The following GALNS variants were observed in gnomAD, a reference collection of about 807,000 sequenced individuals.
GALNS encodes the protein N-acetylgalactosamine-6-sulfatase.
A neutral mutation model predicts 65.9 loss-of-function variants in GALNS; 65 were observed. The observed-to-expected ratio is 0.99, with a 90% CI of 0.81 to 1.21. The LOEUF (loss-of-function observed/expected upper bound fraction) is 1.21. GALNS is among the 50% of genes most tolerant of loss of function. The probability of loss-of-function intolerance (pLI) is 0.00; values close to 1 mark genes in which losing one functional copy is unlikely to be tolerated. For synonymous variants in GALNS, 346 were observed against 288.9 expected (o/e 1.20, Z -2.00); for missense variants, 776 against 700.7 (o/e 1.11, Z -1.21).
chr16:88,837,711 C>T lies in GALNS; in HGVS notation c.477G>A (p.Trp159Ter), dbSNP rs398123439. The T allele has an allele frequency of 1.5e-5, 25 of 1,613,912 alleles. No individual in the cohort carries two copies. Among genetic ancestry groups the T allele is most frequent in the Admixed American group, 3.3e-5 (2 of 60,006 alleles). The change falls in exon 5 of 14, where the codon TGG becomes TGA. Residue 159 changes from tryptophan (W) to a stop codon, truncating the protein, a stop_gained. Transcript: ENST00000268695. LOFTEE classifies it high-confidence loss of function. Reference protein sequence around the residue: ...FHPLKHGFDEWFGSPNCHFGP... With the variant: ...FHPLKHGFDE ...CAAAGTGGCAGTTGGGGGATCCAAACCACTCATCAAATCCGTGCTTCAGGG... is the reference window on the plus strand; with the variant it reads ...CAAAGTGGCAGTTGGGGGATCCAAATCACTCATCAAATCCGTGCTTCAGGG...
intron 7 of GALNS, 144 bp downstream of exon 7, chr16:88,835,581 G>A: frequency 7.4e-7 from 1 of 1,355,252 alleles, no homozygotes; most frequent in East Asian, 2.3e-5. Flanking sequence ...CTGATCCCAG[G>A]CCAGTGGACG....
intron 1 of GALNS, chr16:88,855,759 G>A (rs1160631543): frequency 2.7e-5 from 15 of 546,690 alleles, no homozygotes; most frequent in South Asian, 1.5e-4. Context: ...CGACAGCCAC[G>A]ACTGCCCAGC....
chr16:88,832,837 G>C (rs1333139632), intron 8 of GALNS, among the ~76,000 whole-genome samples: 2 of 152,116 alleles, frequency 1.3e-5, no homozygotes, highest in African/African-American at 4.8e-5. Context: ...GAAGCAGGGG[G>C]ACTGCTTGAA....
rs1477635354 is a variant in GALNS at position 88,856,893 on chromosome 16, C to T, written c.-16G>A. 1.3e-6 allele frequency: 2 copies of T among 1,502,136 alleles called. No homozygotes were observed. Among genetic ancestry groups the T allele is most frequent in the Non-Finnish European group, 1.8e-6 (2 of 1,134,064 alleles). 93.1% of individuals were successfully genotyped at this position (1,502,136 alleles called of 1,614,324 possible). On this transcript the variant is annotated 5_prime_UTR_variant, in exon 1 of 14. Coordinates refer to ENST00000268695, the MANE Select transcript of GALNS (RefSeq NM_000512.5). ...CCGCCGCCATGGCAACCACGGGAGC[C>T]GCGGAGCCCCGGCCAGCGAGCCGAC... is the stretch of plus-strand genomic sequence containing the variant.
intron 13 of GALNS, chr16:88,817,085 C>T (rs1909707598): frequency 3.0e-6 from 3 of 985,454 alleles, no homozygotes; most frequent in Non-Finnish European, 1.2e-6. Flanking sequence ...GAAGACCTGC[C>T]CTGCTGGGAC....
In GALNS at chr16:88,826,843, AAC is replaced by A; in HGVS notation, c.1003-7_1003-6del. The stretch of plus-strand genomic sequence containing the variant: ...GCTGCCCAGCTGGTGGCTCACCTGA[AAC>A]ACATGGCAGCAACACGGTCAGGGCA... On this transcript the variant is annotated splice_region_variant and splice_polypyrimidine_tract_variant and intron_variant, in intron 9 of 13. Transcript: ENST00000268695. 3 of 1,571,962 alleles carry A rather than the reference AAC, an allele frequency of 1.9e-6. No individual in the cohort carries two copies. Among genetic ancestry groups the A allele is most frequent in the Non-Finnish European group, 2.6e-6 (3 of 1,159,374 alleles).
rs781558921 is a variant in GALNS, at chr16:88,843,040, C to A, written c.121-211G>T. 24 of 1,525,874 alleles carry A rather than the reference C, an allele frequency of 1.6e-5. No homozygotes were observed. In the African/African-American group the frequency reaches 1.6e-4, roughly 10 times the overall value. The allele number at this position is 1,525,874 out of a possible 1,614,324, so 94.5% of individuals were successfully genotyped here. A position where few individuals can be genotyped will look rare whatever the true frequency, so the allele number is the denominator to read the frequency against. On this transcript the variant is annotated intron_variant, in intron 1 of 13. Coordinates refer to ENST00000268695, the MANE Select transcript of GALNS (RefSeq NM_000512.5). ...CACGCCAGCCCAAACCTCAGCATCG[C>A]CTGCGTGCGTGCACGATGGGGCCGC...
intron 1 of GALNS, among the ~76,000 whole-genome samples, chr16:88,846,964 CG>C: frequency 6.6e-6 from 1 of 152,192 alleles, no homozygotes; most frequent in Admixed American, 6.5e-5. Flanking sequence ...CAGACATTCA[CG>C]ACACCTGGTT....
intron 1 of GALNS, among the ~76,000 whole-genome samples, chr16:88,845,859 G>A (rs920499686): frequency 6.6e-6 from 1 of 151,024 alleles, no homozygotes; most frequent in Admixed American, 6.6e-5. Context: ...GTGGTGGTGT[G>A]TACCTGTGGT....
rs114175409 is a variant in GALNS at position 88,825,691 on chromosome 16, G to A, written c.1140-822C>T. 4.5e-3 allele frequency among the ~76,000 whole-genome samples: 685 copies of A among 152,182 alleles called. 4 individuals carry two copies. The highest frequency in any genetic ancestry group is 0.02 in the Middle Eastern group (6 of 294). ...GGCTGGGCCAGACCCTGGGGAGGGT[G>A]GGCAGACAAGAGGATAAGCAGGCGG... On this transcript the variant is annotated intron_variant, in intron 10 of 13. Coordinates refer to ENST00000268695, the MANE Select transcript of GALNS (RefSeq NM_000512.5).
chr16:88,853,429 GTC>G (rs1967601987), intron 1 of GALNS, among the ~76,000 whole-genome samples: 1 of 152,256 alleles, frequency 6.6e-6, no homozygotes, highest in East Asian at 1.9e-4. Flanking sequence ...GCCAGTGCTT[GTC>G]TGTTTCAAAC....
At chr16:88,815,593 T>C (rs1253748777) in intron 13 of GALNS, 3 of 985,272 alleles carry the variant, frequency 3.0e-6, no homozygotes, top group South Asian at 4.7e-5. Flanking sequence ...CTGAAATGAG[T>C]GCAGTTTGGT....
Position 88,826,772 on chromosome 16 carries a change from G to A in GALNS, c.1069C>T (p.Pro357Ser). The change falls in exon 10 of 14, where the codon CCG becomes TCG. Residue 357 changes from proline (P) to serine (S), a missense_variant. By Grantham distance (74) the Pro-to-Ser change is moderately conservative. Transcript: ENST00000268695. ...TTSLALAGLT[P>S]PSDRAIDGLN... is the part of the protein sequence containing the mutation. ...CCATCAATGGCCCTGTCGCTGGGCG[G>A]CGTCAGGCCCGCAAGGGCCAGGCTG... The A allele has an allele frequency of 6.2e-7, 1 of 1,608,604 alleles. No individual in the cohort carries two copies. The highest frequency in any genetic ancestry group is 8.5e-7 in the Non-Finnish European group (1 of 1,178,074).
chr16:88,815,424 A>G, intron 13 of GALNS: 2 of 985,468 alleles, frequency 2.0e-6, no homozygotes. Context: ...TGCTGGGCTC[A>G]GTTCAGTGCG....
chr16:88,851,006 A>AC (rs1362204118), intron 1 of GALNS, among the ~76,000 whole-genome samples: 2 of 152,348 alleles, frequency 1.3e-5, no homozygotes, highest in Admixed American at 1.3e-4. Context: ...AGCCGAGGGC[A>AC]ACGTCCCACA....
In GALNS at chr16:88,815,562, C is replaced by T. The variant is rs114912561; in HGVS notation, c.1483-1037G>A. ...TGGCAACAGAAAGGGAGACTTATGC[C>T]GCTAAGAGGAGCCTTCTTGGCTGAA... On this transcript the variant is annotated intron_variant, in intron 13 of 13. Transcript: ENST00000268695. 2,510 of 985,460 alleles carry T rather than the reference C, an allele frequency of 2.5e-3. 35 individuals are homozygous for T. In the African/African-American group the frequency reaches 0.039, roughly 15 times the overall value. The allele number at this position is 985,460 out of a possible 1,614,324, so 61.0% of individuals were successfully genotyped here. A position where few individuals can be genotyped will look rare whatever the true frequency, so the allele number is the denominator to read the frequency against.
At position 88,813,990 on chromosome 16, in the gene GALNS, A is replaced by G. The variant is rs1048562829; in HGVS notation, c.*449T>C. Reference sequence around the variant, plus strand: ...CAATCGTGTATTCAGTGGAAGGCTGACTGAACCAATGTACGCCATACACAT... The same window carrying G: ...CAATCGTGTATTCAGTGGAAGGCTGGCTGAACCAATGTACGCCATACACAT... On this transcript the variant is annotated 3_prime_UTR_variant, in exon 14 of 14. Transcript: ENST00000268695. The G allele has an allele frequency of 3.9e-6, 1 of 257,036 alleles. No individual in the cohort carries two copies. Among genetic ancestry groups the G allele is most frequent in the Non-Finnish European group, 7.8e-6 (1 of 128,368 alleles). The allele number at this position is 257,036 out of a possible 1,614,324, so 15.9% of individuals were successfully genotyped here.
chr16:88,856,417 G>A (rs999743053), intron 1 of GALNS: 3 of 701,142 alleles, frequency 4.3e-6, no homozygotes, highest in African/African-American at 3.5e-5. Flanking sequence ...GTCAGACGGG[G>A]GAGGCAGGGC....
At chr16:88,822,799 T>C in intron 11 of GALNS, 89 bp from the exon 12 acceptor site, 1 of 1,545,770 alleles carries the variant, frequency 6.5e-7, no homozygotes, top group East Asian at 2.4e-5. Flanking sequence ...AGCCCCTGAC[T>C]GCGGCCGTGA....
Sources: allele counts gnomAD v4.1 joint callset (sites outside exome capture counted in the v4.1 genomes callset), GRCh38; gene constraint gnomAD v4.1.1; transcripts MANE v1.5; gene names NCBI Gene and HGNC (gene_info 2026-07-23, HGNC 2026-07-21).